LUZP2: variants seen among roughly 807,000 people sequenced by gnomAD.
The protein encoded by LUZP2 is leucine zipper protein 2.
A neutral mutation model predicts 51.6 loss-of-function variants in LUZP2; 52 were observed. The observed-to-expected ratio is 1.01, with a 90% CI of 0.81 to 1.27. The LOEUF (loss-of-function observed/expected upper bound fraction) is 1.27. LUZP2 is among the 50% of genes most tolerant of loss of function. LUZP2 has a pLI of 0.00. For synonymous variants in LUZP2, 154 were observed against 137.3 expected (o/e 1.12, Z -0.85); for missense variants, 436 against 395.4 (o/e 1.10, Z -0.87).
intron 5 of LUZP2, among the ~76,000 whole-genome samples, chr11:24,860,628 CCT>C (rs1424260518): frequency 6.6e-6 from 1 of 152,126 alleles, no homozygotes; most frequent in Non-Finnish European, 1.5e-5. Context: ...CTTTTAGTGA[CCT>C]CTCTAGGCAC....
At chr11:24,545,708 G>T (rs1280219455) in intron 1 of LUZP2, among the ~76,000 whole-genome samples, 1 of 152,050 alleles carries the variant, frequency 6.6e-6, no homozygotes, top group East Asian at 1.9e-4. Context: ...ATAGTTTGAA[G>T]CTGGGTAGTG....
chr11:24,504,484 C>T (rs1384325797), intron 1 of LUZP2, among the ~76,000 whole-genome samples: 3 of 152,056 alleles, frequency 2.0e-5, no homozygotes, highest in African/African-American at 7.2e-5. Flanking sequence ...TTTAACCATT[C>T]TGAAACTTAA....
chr11:24,812,497 C>A (rs1850051003), intron 5 of LUZP2, among the ~76,000 whole-genome samples: 1 of 152,164 alleles, frequency 6.6e-6, no homozygotes, highest in African/African-American at 2.4e-5. Flanking sequence ...CTAGACTGAG[C>A]TTTTATTTCC....
chr11:24,826,184 A>T (rs1400543730), intron 5 of LUZP2, among the ~76,000 whole-genome samples: 20 of 26,134 alleles, frequency 7.7e-4, no homozygotes, highest in African/African-American at 2.5e-3. Context: ...TCAAAAAAAA[A>T]AAAAAAATAT....
At chr11:25,034,181 T>G (rs1204882636) in intron 9 of LUZP2, among the ~76,000 whole-genome samples, 1 of 152,234 alleles carries the variant, frequency 6.6e-6, no homozygotes, top group Non-Finnish European at 1.5e-5. Flanking sequence ...TGATTAATGA[T>G]GCTGAGCATT....
chr11:24,747,479 G>A (rs758027030), intron 4 of LUZP2, among the ~76,000 whole-genome samples: 2 of 152,124 alleles, frequency 1.3e-5, no homozygotes, highest in Admixed American at 6.6e-5. Context: ...CTCTGTGAGG[G>A]TTCTTAGCTC....
At chr11:25,003,707 T>G (rs1856757504) in intron 9 of LUZP2, among the ~76,000 whole-genome samples, 2 of 152,202 alleles carry the variant, frequency 1.3e-5, no homozygotes, top group Non-Finnish European at 2.9e-5. Context: ...TGATTTTGAC[T>G]GGGCAGGCAT....
chr11:24,846,347 A>C (rs761707713), intron 5 of LUZP2, among the ~76,000 whole-genome samples: 9 of 152,082 alleles, frequency 5.9e-5, no homozygotes, highest in Non-Finnish European at 1.0e-4. Flanking sequence ...ATAAAAGAAG[A>C]AAATAAGAAA....
At chr11:24,700,304 T>C (rs947770333) in intron 1 of LUZP2, among the ~76,000 whole-genome samples, 3 of 152,130 alleles carry the variant, frequency 2.0e-5, no homozygotes, top group Non-Finnish European at 4.4e-5. Context: ...CCTCAGGTGA[T>C]CTACCTGCCT....
intron 7 of LUZP2, among the ~76,000 whole-genome samples, chr11:24,929,842 C>T (rs1003503252): frequency 2.6e-5 from 4 of 151,982 alleles, no homozygotes; most frequent in African/African-American, 7.2e-5. Context: ...CTATTATTGT[C>T]GTGCTGTCTA....
intron 7 of LUZP2, among the ~76,000 whole-genome samples, chr11:24,943,494 G>T (rs1220868881): frequency 6.6e-6 from 1 of 152,120 alleles, no homozygotes; most frequent in Non-Finnish European, 1.5e-5. Flanking sequence ...GCGGTTATTT[G>T]AGTGTCAGTC....
chr11:24,930,544 T>C (rs1003898368), intron 7 of LUZP2, among the ~76,000 whole-genome samples: 1 of 152,198 alleles, frequency 6.6e-6, no homozygotes, highest in Non-Finnish European at 1.5e-5. Flanking sequence ...AGGCTAAAGA[T>C]AGGAACCCCA....
chr11:24,764,476 T>A, intron 5 of LUZP2, among the ~76,000 whole-genome samples: 1 of 103,726 alleles, frequency 9.6e-6, no homozygotes. Flanking sequence ...GACAACATGG[T>A]AAAATCTCAT....
intron 1 of LUZP2, among the ~76,000 whole-genome samples, chr11:24,680,279 G>A (rs1856691186): frequency 6.6e-6 from 1 of 152,226 alleles, no homozygotes; most frequent in African/African-American, 2.4e-5. Flanking sequence ...GTTGCTCCCA[G>A]CTTCCCTGTG....
At chr11:24,918,431 C>T (rs1459298080) in intron 7 of LUZP2, among the ~76,000 whole-genome samples, 1 of 151,936 alleles carries the variant, frequency 6.6e-6, no homozygotes, top group Non-Finnish European at 1.5e-5. Flanking sequence ...AAAGGGAATG[C>T]TTCCAGTTTT....
intron 10 of LUZP2, among the ~76,000 whole-genome samples, chr11:25,050,471 A>AT (rs1858470280): frequency 6.6e-6 from 1 of 151,484 alleles, no homozygotes; most frequent in Non-Finnish European, 1.5e-5. Flanking sequence ...CGCTCGGCTA[A>AT]TTTTTTGTAT....
In LUZP2 at chr11:25,049,576, A is replaced by T. The variant is rs1020370258; in HGVS notation, c.766-462A>T. On this transcript the variant is annotated intron_variant, in intron 9 of 11. Transcript: ENST00000336930. ...TTTGATTAGTTAGTATACATATTGG[A>T]GTTAATATAATCCACTATGTATATT... is the stretch of plus-strand genomic sequence containing the variant. Among the ~76,000 whole-genome samples, 3 of 152,170 alleles carry T rather than the reference A, an allele frequency of 2.0e-5. No individual in the cohort carries two copies. In the East Asian group the frequency reaches 5.8e-4, roughly 29 times the overall value.
At chr11:24,993,851 C>T (rs1008334899) in intron 9 of LUZP2, among the ~76,000 whole-genome samples, 1 of 150,562 alleles carries the variant, frequency 6.6e-6, no homozygotes, top group African/African-American at 2.5e-5. Flanking sequence ...TATATTTTTC[C>T]ATTTCTTTTT....
chr11:24,626,561 G>A (rs547236083), intron 1 of LUZP2, among the ~76,000 whole-genome samples: 30 of 152,244 alleles, frequency 2.0e-4, no homozygotes, highest in Admixed American at 2.0e-3. Context: ...CAGTTGTAAG[G>A]ATGAGATGGG....
Sources: gnomAD v4.1 joint callset for allele counts (sites outside exome capture counted in the v4.1 genomes callset) on GRCh38, gnomAD v4.1.1 for gene constraint, MANE v1.5 for transcripts, NCBI Gene and HGNC (gene_info 2026-07-23, HGNC 2026-07-21) for gene names.